FSTL5: variants seen among roughly 807,000 people sequenced by gnomAD.
FSTL5 encodes the protein follistatin like 5.
FSTL5 carries 62 observed loss-of-function variants against 89.1 expected under a neutral mutation model. The observed-to-expected ratio is 0.70, with a 90% CI of 0.57 to 0.86. The LOEUF (loss-of-function observed/expected upper bound fraction) is 0.86. FSTL5 is among the 40% of genes least tolerant of loss of function. The pLI is 0.00. For missense variants in FSTL5, 1,057 were observed against 1,001.6 expected, an observed-to-expected ratio of 1.06 and a Z score of -0.75; for synonymous variants, 383 against 346.2, an observed-to-expected ratio of 1.11 and a Z score of -1.18.
intron 2 of FSTL5, among the ~76,000 whole-genome samples, chr4:162,075,600 C>A (rs1451953762): frequency 2.6e-5 from 4 of 151,814 alleles, no homozygotes; most frequent in Non-Finnish European, 5.9e-5. Flanking sequence ...ACTACTTGCA[C>A]ACTAGAAAAT....
At chr4:161,614,133 A>G (rs1734759431) in intron 7 of FSTL5, among the ~76,000 whole-genome samples, 1 of 152,192 alleles carries the variant, frequency 6.6e-6, no homozygotes, top group African/African-American at 2.4e-5. Flanking sequence ...TATCTTGGAC[A>G]GTTCTAAAAT....
At chr4:161,399,589 A>G (rs1395128323) in intron 15 of FSTL5, among the ~76,000 whole-genome samples, 1 of 151,966 alleles carries the variant, frequency 6.6e-6, no homozygotes, top group Non-Finnish European at 1.5e-5. Flanking sequence ...CTTAATTCTG[A>G]TCCTTGGGAG....
intron 4 of FSTL5, among the ~76,000 whole-genome samples, chr4:161,836,138 G>A (rs1326337414): frequency 6.6e-6 from 1 of 151,964 alleles, no homozygotes; most frequent in Non-Finnish European, 1.5e-5. Flanking sequence ...AAAATGATGA[G>A]CTCATGTCCT....
At chr4:162,112,108 A>G (rs1411897236) in intron 1 of FSTL5, among the ~76,000 whole-genome samples, 1 of 152,200 alleles carries the variant, frequency 6.6e-6, no homozygotes, top group African/African-American at 2.4e-5. Context: ...GTCCTTTTCA[A>G]ACATACAAAT....
intron 2 of FSTL5, among the ~76,000 whole-genome samples, chr4:162,046,613 A>T (rs1241335928): frequency 6.6e-6 from 1 of 152,156 alleles, no homozygotes; most frequent in Non-Finnish European, 1.5e-5. Context: ...TTTGGTAAAG[A>T]GCCACATAAA....
chr4:161,934,185 C>T (rs1734368559), intron 3 of FSTL5, among the ~76,000 whole-genome samples: 1 of 152,076 alleles, frequency 6.6e-6, no homozygotes, highest in Non-Finnish European at 1.5e-5. Context: ...CAAACTTATG[C>T]TTTCTTGAAC....
intron 6 of FSTL5, among the ~76,000 whole-genome samples, chr4:161,693,851 G>C (rs1275059908): frequency 6.6e-6 from 1 of 151,804 alleles, no homozygotes; most frequent in Non-Finnish European, 1.5e-5. Context: ...TGCTAGCCAG[G>C]ATGGTCTCGA....
intron 4 of FSTL5, among the ~76,000 whole-genome samples, chr4:161,883,918 G>T (rs866715447): frequency 1.3e-5 from 2 of 151,972 alleles, no homozygotes; most frequent in African/African-American, 4.8e-5. Flanking sequence ...TGTGAGATTT[G>T]TTTAATGCTT....
At chr4:161,845,838 G>C (rs1359876811) in intron 4 of FSTL5, among the ~76,000 whole-genome samples, 1 of 152,124 alleles carries the variant, frequency 6.6e-6, no homozygotes, top group Non-Finnish European at 1.5e-5. Context: ...TAGAGGTCAG[G>C]AGTTCGAGAC....
chr4:161,756,134 C>T (rs1212165155), intron 6 of FSTL5, among the ~76,000 whole-genome samples: 1 of 151,760 alleles, frequency 6.6e-6, no homozygotes, highest in Non-Finnish European at 1.5e-5. Context: ...TTGGTGACAC[C>T]AAAAAGAATA....
At chr4:161,914,054 G>A (rs185996482) in intron 4 of FSTL5, among the ~76,000 whole-genome samples, 52 of 152,230 alleles carry the variant, frequency 3.4e-4, no homozygotes, top group African/African-American at 1.2e-3. Flanking sequence ...GGGGTGGAAT[G>A]ATATGGTTTA....
intron 4 of FSTL5, among the ~76,000 whole-genome samples, chr4:161,866,485 T>TGC (rs1732095182): frequency 2.7e-5 from 4 of 150,714 alleles, no homozygotes; most frequent in Non-Finnish European, 5.9e-5. Flanking sequence ...TGTGTGTGTG[T>TGC]GTGTGTGTGT....
intron 7 of FSTL5, among the ~76,000 whole-genome samples, chr4:161,606,240 ATTT>A (rs71598720): frequency 0.022 from 2,583 of 117,804 alleles, 47 homozygotes; most frequent in South Asian, 0.13. Flanking sequence ...ATTATCTGTG[ATTT>A]TTTTTTTTTT....
intron 15 of FSTL5, among the ~76,000 whole-genome samples, chr4:161,427,321 C>CA (rs1298661492): frequency 6.6e-6 from 1 of 152,176 alleles, no homozygotes; most frequent in Non-Finnish European, 1.5e-5. Context: ...ACAAGGGTCC[C>CA]ACACCTTTGC....
intron 7 of FSTL5, among the ~76,000 whole-genome samples, chr4:161,600,841 C>T (rs1221436563): frequency 6.6e-6 from 1 of 151,682 alleles, no homozygotes; most frequent in Non-Finnish European, 1.5e-5. Context: ...GAGTTTCTAT[C>T]CAAACAATGA....
chr4:161,427,850 T>C (rs531275872), intron 15 of FSTL5, among the ~76,000 whole-genome samples: 234 of 152,298 alleles, frequency 1.5e-3, no homozygotes, highest in African/African-American at 4.5e-3. Context: ...CCTTCACCAG[T>C]TGTCCTCCCT....
At chr4:161,702,634 C>A (rs556744461) in intron 6 of FSTL5, among the ~76,000 whole-genome samples, 1 of 152,168 alleles carries the variant, frequency 6.6e-6, no homozygotes, top group Non-Finnish European at 1.5e-5. Flanking sequence ...GTTGCCACAG[C>A]TGTAGAATGC....
intron 4 of FSTL5, among the ~76,000 whole-genome samples, chr4:161,901,468 G>T (rs1372723208): frequency 6.6e-6 from 1 of 152,112 alleles, no homozygotes; most frequent in Non-Finnish European, 1.5e-5. Flanking sequence ...TACAGATTTG[G>T]CCAGATCATA....
chr4:161,634,744 A>G (rs1477205953), intron 7 of FSTL5, among the ~76,000 whole-genome samples: 1 of 152,168 alleles, frequency 6.6e-6, no homozygotes, highest in East Asian at 1.9e-4. Flanking sequence ...TGGGGATGAG[A>G]AAAATGGGAG....
Sources: gnomAD v4.1 joint callset for allele counts (sites outside exome capture counted in the v4.1 genomes callset) on GRCh38, gnomAD v4.1.1 for gene constraint, MANE v1.5 for transcripts, NCBI Gene and HGNC (gene_info 2026-07-23, HGNC 2026-07-21) for gene names.